Variants in VPS39 observed in about 807,000 individuals in gnomAD.
VPS39 encodes the protein vam6/Vps39-like protein.
VPS39 carries 70 observed loss-of-function variants against 121.0 expected under a neutral mutation model. The ratio of observed to expected loss-of-function variants is 0.58; its 90% CI spans 0.48 to 0.71. The LOEUF (loss-of-function observed/expected upper bound fraction) is 0.71, where lower values mean the gene tolerates loss of function less well. VPS39 is among the 30% of genes least tolerant of loss of function. The pLI, the probability that VPS39 is intolerant of heterozygous loss-of-function variation, is 0.00. For missense variants in VPS39, 818 were observed against 1,051.5 expected (o/e 0.78, Z 3.07); for synonymous variants, 378 against 398.1 (o/e 0.95, Z 0.60).
chr15:42,166,606 AG>A lies in VPS39; in HGVS notation c.1562del (p.Pro521LeufsTer2). On this transcript the variant is annotated frameshift_variant, in exon 15 of 25. Transcript: ENST00000318006. LOFTEE classifies it high-confidence loss of function. ...LVDQSKKANS[P>X]LKGHERTVQY... ...GCACTGTCCTCTCGTGGCCTTTCAG[AG>A]GGGAGTTGGCTTTCTTGGACTGGTC... 1 of 1,614,178 alleles carries A rather than the reference AG, an allele frequency of 6.2e-7. No individual in the cohort carries two copies. Among genetic ancestry groups the A allele is most frequent in the Non-Finnish European group, 8.5e-7 (1 of 1,180,044 alleles).
At chr15:42,179,935 G>A (rs1280896131) in intron 8 of VPS39, among the ~76,000 whole-genome samples, 1 of 152,122 alleles carries the variant, frequency 6.6e-6, no homozygotes, top group Non-Finnish European at 1.5e-5. Context: ...TATAAAAAGG[G>A]CTTGTGGAGT....
intron 10 of VPS39, 102 bp downstream of exon 10, chr15:42,178,116 T>C: frequency 6.6e-7 from 1 of 1,516,988 alleles, no homozygotes; most frequent in East Asian, 2.3e-5. Context: ...CTTTCAGCTA[T>C]GTGCTTATTC....
In VPS39 at chr15:42,178,545, T is replaced by C. The variant is rs1566898744; in HGVS notation, c.744A>G (p.Ala248=). The change falls in exon 9 of 25, where the codon GCA becomes GCG. Residue 248 remains alanine (A), a synonymous_variant. Coordinates refer to ENST00000318006, the MANE Select transcript of VPS39 (RefSeq NM_015289.5). ...AMEHQPPYII[A]VLPRYVEIRT... ...GGATCTCAACATATCGAGGCAACAC[T>C]GCAATGATGTAGGGAGGCTGGTGCT... is the stretch of plus-strand genomic sequence containing the variant. The C allele has an allele frequency of 3.7e-6, 6 of 1,614,150 alleles. No individual in the cohort carries two copies. The East Asian group carries it at 1.3e-4, about 36-fold the overall frequency.
chr15:42,194,985 T>G (rs1352714228), intron 2 of VPS39, among the ~76,000 whole-genome samples: 1 of 151,802 alleles, frequency 6.6e-6, no homozygotes, highest in African/African-American at 2.4e-5. Flanking sequence ...TCTGCAAACT[T>G]GGTTTTGTCC....
At position 42,165,075 on chromosome 15, in the gene VPS39, C is replaced by A; in HGVS notation, c.1818G>T (p.Arg606=). Residue 606 remains arginine, a synonymous_variant, in exon 18 of 25, where the codon CGG becomes CGT. Transcript: ENST00000318006. ...ATAGCTGGATCAGGCAGTTGTGGAA[C>A]CGAGAGCCTGTCTCCTCCCAAACAT... ...IIHVWEETGS[R]FHNCLIQLYC... is the part of the protein sequence containing the mutation. 1 of 1,614,218 alleles carries A rather than the reference C, an allele frequency of 6.2e-7. No individual in the cohort carries two copies. The highest frequency in any genetic ancestry group is 1.3e-5 in the African/African-American group (1 of 75,044).
At chr15:42,180,569 G>A (rs954239866) in intron 8 of VPS39, among the ~76,000 whole-genome samples, 6 of 152,168 alleles carry the variant, frequency 3.9e-5, no homozygotes, top group African/African-American at 1.2e-4. Context: ...TTGAGAAGTT[G>A]TATGGTGAAG....
In VPS39 at chr15:42,178,351, G is replaced by T. The variant is rs1470524230; in HGVS notation, c.840-13C>A. ...GATAATGTTTGATCTGGAAGCAAGA[G>T]TAAGAATATTAGCAAAAGATCACAG... On this transcript the variant is annotated splice_polypyrimidine_tract_variant and intron_variant, in intron 9 of 24. Transcript: ENST00000318006. 1 of 1,614,142 alleles carries T rather than the reference G, an allele frequency of 6.2e-7. No individual in the cohort carries two copies. Among genetic ancestry groups the T allele is most frequent in the East Asian group, 2.2e-5 (1 of 44,878 alleles).
chr15:42,172,974 G>C (rs1308059886), intron 11 of VPS39, among the ~76,000 whole-genome samples: 1 of 152,194 alleles, frequency 6.6e-6, no homozygotes, highest in Admixed American at 6.5e-5. Context: ...CAATGAAGAG[G>C]AGAAAAGAGG....
intron 2 of VPS39, among the ~76,000 whole-genome samples, chr15:42,194,607 C>A (rs918034522): frequency 6.6e-6 from 1 of 151,962 alleles, no homozygotes; most frequent in African/African-American, 2.4e-5. Flanking sequence ...CTGGTGTGTG[C>A]CGGTAGTCCT....
At chr15:42,181,975 A>T (rs774775855) in intron 8 of VPS39, among the ~76,000 whole-genome samples, 1 of 152,200 alleles carries the variant, frequency 6.6e-6, no homozygotes. Flanking sequence ...CAGCCTCCCA[A>T]TGTGCTGGGA....
chr15:42,169,153 T>C lies in VPS39; in HGVS notation c.1233+571A>G, dbSNP rs2049300743. Reference sequence around the variant, plus strand: ...GATAAGGAAGTACTTTCTCAGTATATGGCTAAATTTTTAAAAAGTTAAGCT... The same window carrying C: ...GATAAGGAAGTACTTTCTCAGTATACGGCTAAATTTTTAAAAAGTTAAGCT... On this transcript the variant is annotated intron_variant, in intron 12 of 24. Coordinates refer to ENST00000318006, the MANE Select transcript of VPS39 (RefSeq NM_015289.5). Among the ~76,000 whole-genome samples, 3 of 152,352 alleles carry C rather than the reference T, an allele frequency of 2.0e-5. No individual in the cohort carries two copies. The South Asian group carries it at 6.2e-4, about 32-fold the overall frequency.
At chr15:42,163,055 A>T (rs2049166005) in intron 21 of VPS39, among the ~76,000 whole-genome samples, 1 of 152,238 alleles carries the variant, frequency 6.6e-6, no homozygotes, top group Non-Finnish European at 1.5e-5. Context: ...ATAGTACATC[A>T]GAACCATGAC....
intron 8 of VPS39, 31 bp downstream of exon 8, chr15:42,184,486 A>G: frequency 6.4e-7 from 1 of 1,562,238 alleles, no homozygotes; most frequent in Non-Finnish European, 8.7e-7. Flanking sequence ...CTCAACCCAA[A>G]GTGGGAAACA....
At chr15:42,187,499 G>A (rs912302683) in intron 6 of VPS39, 136 bp from the exon 7 acceptor site, 10 of 805,282 alleles carry the variant, frequency 1.2e-5, no homozygotes, top group Non-Finnish European at 1.9e-5. Flanking sequence ...CACAAGGCCA[G>A]GAAACTACCC....
intron 2 of VPS39, among the ~76,000 whole-genome samples, chr15:42,197,559 T>C (rs1240192833): frequency 2.0e-5 from 3 of 151,750 alleles, no homozygotes; most frequent in East Asian, 1.9e-4. Flanking sequence ...TCTCAAAAAA[T>C]AAAGGAGCAG....
chr15:42,196,836 A>C (rs1169791042), intron 2 of VPS39, among the ~76,000 whole-genome samples: 2 of 152,178 alleles, frequency 1.3e-5, no homozygotes, highest in East Asian at 1.9e-4. Flanking sequence ...ATATACCCAA[A>C]GGATTATAGA....
rs559666060 is a variant in VPS39, at chr15:42,177,372, G to A, written c.960+846C>T. Among the ~76,000 whole-genome samples, 11 of 152,160 alleles carry A rather than the reference G, an allele frequency of 7.2e-5. No homozygotes were observed. The South Asian group carries it at 2.3e-3, about 32-fold the overall frequency. ...GACATCAACATTGGAACAAGAGGTGGTCACTATTTTGCTGTGAACAAGATC... is the reference window on the plus strand; with the variant it reads ...GACATCAACATTGGAACAAGAGGTGATCACTATTTTGCTGTGAACAAGATC... On this transcript the variant is annotated intron_variant, in intron 10 of 24. Coordinates refer to ENST00000318006, the MANE Select transcript of VPS39 (RefSeq NM_015289.5).
At chr15:42,165,211 A>C (rs1012205130) in intron 17 of VPS39, 98 bp from the exon 18 acceptor site, 6 of 1,141,646 alleles carry the variant, frequency 5.3e-6, no homozygotes, top group African/African-American at 3.1e-5. Context: ...GGTCCCATCC[A>C]GATTATCCCC....
chr15:42,191,579 C>T lies in VPS39; in HGVS notation c.140-19G>A. On this transcript the variant is annotated intron_variant, in intron 2 of 24. Coordinates refer to ENST00000318006, the MANE Select transcript of VPS39 (RefSeq NM_015289.5). ...TTGCAACCTATGGAAAACAAATAAA[C>T]ACTGGTAGTTCCAAATACAGGGATA... 2 of 1,610,386 alleles carry T rather than the reference C, an allele frequency of 1.2e-6. No homozygotes were observed. The highest frequency in any genetic ancestry group is 1.7e-6 in the Non-Finnish European group (2 of 1,177,018).
Sources: allele counts gnomAD v4.1 joint callset (sites outside exome capture counted in the v4.1 genomes callset), GRCh38; gene constraint gnomAD v4.1.1; transcripts MANE v1.5; gene names NCBI Gene and HGNC (gene_info 2026-07-23, HGNC 2026-07-21).